The following MYH14 variants were observed in gnomAD, a reference collection of about 807,000 sequenced individuals.
MYH14 encodes myosin-14.
A neutral mutation model predicts 255.5 loss-of-function variants in MYH14; 123 were observed. The ratio of observed to expected loss-of-function variants is 0.48; its 90% CI spans 0.42 to 0.56. The LOEUF is 0.56. Among genes scored for constraint, MYH14 ranks in the 20% least tolerant of loss-of-function variants. The pLI, the probability that MYH14 is intolerant of heterozygous loss-of-function variation, is 0.00. For missense variants in MYH14, 2,423 were observed against 2,802.3 expected, an observed-to-expected ratio of 0.86 and a Z score of 3.06; for synonymous variants, 1,095 against 1,161.2, an observed-to-expected ratio of 0.94 and a Z score of 1.16.
rs971494034 is a variant in MYH14, at chr19:50,280,622, C to T, written c.4290+239C>T. Among the ~76,000 whole-genome samples the T allele has an allele frequency of 5.3e-5, 8 of 152,244 alleles. No individual in the cohort carries two copies. In the East Asian group the frequency reaches 9.7e-4, roughly 18 times the overall value. On this transcript the variant is annotated intron_variant, in intron 32 of 42. Transcript: ENST00000642316. The surrounding 1 kb of genome is among the most constrained non-coding windows in gnomAD (Gnocchi z 4.8). ...TCCAGCTCAGCCCCAGCTCCAGTGC[C>T]GTCCTCTCCCATCTAGATCCTCCTC...
intron 9 of MYH14, 86 bp from the exon 10 acceptor site, chr19:50,231,844 T>C (rs781520920): frequency 1.3e-5 from 20 of 1,556,894 alleles, no homozygotes; most frequent in Non-Finnish European, 1.8e-5. Flanking sequence ...GGATATGGCA[T>C]GTCCTGGGAT....
Position 50,278,232 on chromosome 19 carries a change from G to A in MYH14, c.3975G>A (p.Arg1325=), listed in dbSNP as rs1038333997. The A allele has an allele frequency of 8.8e-6, 14 of 1,599,624 alleles. No homozygotes were observed. The highest frequency in any genetic ancestry group is 1.0e-5 in the Non-Finnish European group (12 of 1,174,182). The part of the protein sequence containing the change: ...LELQLQEVQG[R]AGDGERARAE... The stretch of plus-strand genomic sequence containing the variant: ...TACAGCTGCAGGAGGTGCAGGGCCG[G>A]GCTGGTGATGGGGAGAGGGCACGAG... Residue 1325 remains arginine (R), a synonymous_variant, in exon 30 of 43, where the codon CGG becomes CGA. Transcript: ENST00000642316.
intron 27 of MYH14, among the ~76,000 whole-genome samples, chr19:50,274,932 C>CAA (rs1206238409): frequency 4.3e-5 from 5 of 115,752 alleles, no homozygotes; most frequent in Admixed American, 1.9e-4. Flanking sequence ...CCCTCTCTCT[C>CAA]AAAAAAAAAA....
chr19:50,217,551 C>T, intron 2 of MYH14, 64 bp from the exon 3 acceptor site: 1 of 1,596,714 alleles, frequency 6.3e-7, no homozygotes, highest in Non-Finnish European at 8.6e-7. Flanking sequence ...TGCTCAGCAG[C>T]CCCATGACGC....
chr19:50,244,252 G>A lies in MYH14; in HGVS notation c.1125G>A (p.Arg375=), dbSNP rs775360782. 13 of 1,613,794 alleles carry A rather than the reference G, an allele frequency of 8.1e-6. No homozygotes were observed. The highest frequency in any genetic ancestry group is 6.7e-5 in the East Asian group (3 of 44,886). ...TCCTTGCGTCCCCAGCCATGCTGCG[G>A]ATGGTCTCAGCAGTTCTCCAGTTTG... ...FSHEEIISML[R]MVSAVLQFGN... The change falls in exon 11 of 43, where the codon CGG becomes CGA. Residue 375 remains arginine (R), a synonymous_variant. Transcript: ENST00000642316.
intron 23 of MYH14, 55 bp from the exon 24 acceptor site, chr19:50,268,106 C>T (rs1466858866): frequency 4.6e-6 from 7 of 1,515,376 alleles, no homozygotes; most frequent in African/African-American, 2.8e-5. Context: ...GCACCCAGTG[C>T]AGGTTGCCCT....
chr19:50,300,805 C>T (rs563612150), intron 39 of MYH14, among the ~76,000 whole-genome samples: 2 of 152,184 alleles, frequency 1.3e-5, no homozygotes, highest in South Asian at 4.2e-4. Flanking sequence ...CGCCTGTGAT[C>T]TCATCTACTC....
Position 50,276,901 on chromosome 19 carries a change from G to A in MYH14, c.3825G>A (p.Arg1275=), listed in dbSNP as rs1165679164. ...ELAEQLEQAR[R]GKGAWEKTRL... ...CGGAGCAGCTGGAGCAGGCCCGGAG[G>A]GTGGGTTGGGGCAGGGGGACAGGGC... The change falls in exon 29 of 43, where the codon AGG becomes AGA. Residue 1275 remains arginine, a splice_region_variant and synonymous_variant. Coordinates refer to ENST00000642316, the MANE Select transcript of MYH14 (RefSeq NM_001145809.2). This position sits in a 1 kb window ranked among gnomAD's most constrained non-coding sequence, Gnocchi z 4.3. 6.2e-7 allele frequency: 1 copy of A among 1,607,042 alleles called. No homozygotes were observed. Among genetic ancestry groups the A allele is most frequent in the African/African-American group, 1.3e-5 (1 of 74,746 alleles).
At chr19:50,263,544 C>T (rs1445007912) in intron 22 of MYH14, 124 bp downstream of exon 22, 18 of 557,494 alleles carry the variant, frequency 3.2e-5, no homozygotes, top group Middle Eastern at 9.9e-4. Flanking sequence ...TGGGGCCAGT[C>T]GGCCCAGGCT....
chr19:50,272,757 G>A (rs968032738), intron 27 of MYH14, 26 bp downstream of exon 27: 7 of 1,547,988 alleles, frequency 4.5e-6, no homozygotes, highest in African/African-American at 2.7e-5. Context: ...GGCTTGGTGG[G>A]GTAAGCAGCA....
chr19:50,280,446 C>T lies in MYH14; in HGVS notation c.4290+63C>T, dbSNP rs1255944058. On this transcript the variant is annotated intron_variant, in intron 32 of 42. Transcript: ENST00000642316. This position sits in a 1 kb window ranked among gnomAD's most constrained non-coding sequence, Gnocchi z 4.8. ...CCCCCCTCACTGCTCCTCCTGGGTTCCCCAGCTCAGGGATGGCCATGCTGC... is the reference window on the plus strand; with the variant it reads ...CCCCCCTCACTGCTCCTCCTGGGTTTCCCAGCTCAGGGATGGCCATGCTGC... The T allele has an allele frequency of 6.9e-7, 1 of 1,455,996 alleles. No homozygotes were observed. The highest frequency in any genetic ancestry group is 2.5e-5 in the East Asian group (1 of 40,088). 90.2% of individuals were successfully genotyped at this position (1,455,996 alleles called of 1,614,324 possible).
chr19:50,265,731 G>A (rs2035060364), intron 22 of MYH14, among the ~76,000 whole-genome samples: 2 of 152,068 alleles, frequency 1.3e-5, no homozygotes, highest in Admixed American at 6.6e-5. Context: ...TGAGGCAGGT[G>A]AATCGCTTGA....
chr19:50,225,789 G>C (rs2033063359), intron 7 of MYH14, 112 bp downstream of exon 7: 2 of 806,974 alleles, frequency 2.5e-6, no homozygotes, highest in South Asian at 3.1e-5. Flanking sequence ...GGAGGGGCTG[G>C]GGGTCTGGAC....
intron 17 of MYH14, among the ~76,000 whole-genome samples, chr19:50,256,270 G>A (rs780158068): frequency 9.2e-5 from 14 of 152,106 alleles, no homozygotes; most frequent in Non-Finnish European, 1.6e-4. Context: ...CAGTGAGACT[G>A]TGTCTCAGAA....
chr19:50,284,624 T>G (rs977893577), intron 33 of MYH14: 4 of 151,890 alleles, frequency 2.6e-5, no homozygotes, highest in Non-Finnish European at 4.4e-5. Context: ...ACTCCTGACC[T>G]TGTGATCCAC....
intron 26 of MYH14, 38 bp downstream of exon 26, chr19:50,272,010 T>A: frequency 6.3e-7 from 1 of 1,595,746 alleles, no homozygotes; most frequent in Non-Finnish European, 8.5e-7. Context: ...CTGTGTGTGC[T>A]CTAATGGGGG....
intron 19 of MYH14, 96 bp downstream of exon 19, chr19:50,259,361 G>T: frequency 6.8e-7 from 1 of 1,475,180 alleles, no homozygotes; most frequent in Non-Finnish European, 9.2e-7. Flanking sequence ...ACCCACTCTT[G>T]TTCCTTCTGC....
chr19:50,249,177 C>T, intron 13 of MYH14, 38 bp downstream of exon 13: 1 of 1,530,372 alleles, frequency 6.5e-7, no homozygotes, highest in East Asian at 2.4e-5. Context: ...CCAACTTCCT[C>T]ACTCCGGTCC....
chr19:50,256,904 T>C (rs532987890), intron 17 of MYH14, among the ~76,000 whole-genome samples: 1 of 152,384 alleles, frequency 6.6e-6, no homozygotes, highest in African/African-American at 2.4e-5. Context: ...TATAAAGCCA[T>C]TGATGTAAAT....
Sources: gnomAD v4.1 joint callset for allele counts (sites outside exome capture counted in the v4.1 genomes callset) on GRCh38, gnomAD v4.1.1 for gene constraint, Gnocchi (gnomAD v3.1) non-coding constraint, MANE v1.5 for transcripts, NCBI Gene and HGNC (gene_info 2026-07-23, HGNC 2026-07-21) for gene names.